The following CIT variants were observed in gnomAD, a reference collection of about 807,000 sequenced individuals.
CIT encodes citron rho-interacting serine/threonine kinase, also known as citron Rho-interacting kinase.
CIT carries 79 observed loss-of-function variants against 272.7 expected under a neutral mutation model. The observed-to-expected ratio is 0.29, with a 90% CI of 0.24 to 0.35. The LOEUF is 0.35. Among genes scored for constraint, CIT ranks in the 10% least tolerant of loss-of-function variants. The pLI is 1.00. For missense variants in CIT, 1,909 were observed against 2,618.3 expected, an observed-to-expected ratio of 0.73 and a Z score of 5.91; for synonymous variants, 948 against 995.6, an observed-to-expected ratio of 0.95 and a Z score of 0.90.
At chr12:119,790,701 CA>C in intron 10 of CIT, among the ~76,000 whole-genome samples, 1 of 151,966 alleles carries the variant, frequency 6.6e-6, no homozygotes, top group Middle Eastern at 3.4e-3. Flanking sequence ...AATGTCTAGA[CA>C]TTTTATTTTC....
chr12:119,734,428 T>A lies in CIT; in HGVS notation c.3157-71A>T. The A allele has an allele frequency of 2.0e-6, 3 of 1,521,432 alleles. No homozygotes were observed. In the East Asian group the frequency reaches 6.8e-5, roughly 34 times the overall value. 94.2% of individuals were successfully genotyped at this position (1,521,432 alleles called of 1,614,324 possible). On this transcript the variant is annotated intron_variant, in intron 25 of 47. Coordinates refer to ENST00000392521, the MANE Select transcript of CIT (RefSeq NM_001206999.2). ...TTTCCTGGAGATTACTTTGGTCGGG[T>A]CAGTTTCAGAAAAGCACAAGTTTCT...
chr12:119,791,218 G>A (rs1965280088), intron 10 of CIT, among the ~76,000 whole-genome samples: 1 of 152,170 alleles, frequency 6.6e-6, no homozygotes, highest in Non-Finnish European at 1.5e-5. Context: ...ACACACTCAA[G>A]AAAAGTGCTA....
chr12:119,819,094 C>G (rs1967458727), intron 9 of CIT, among the ~76,000 whole-genome samples: 1 of 152,182 alleles, frequency 6.6e-6, no homozygotes, highest in South Asian at 2.1e-4. Flanking sequence ...ACTGCACAAC[C>G]AGGGCAGCTG....
At position 119,762,979 on chromosome 12, in the gene CIT, G is replaced by A. The variant is rs143320032; in HGVS notation, c.2305-1924C>T. ...GAGGATTGCTTGAGCCCAGGAGTTC[G>A]AAGCCTCATTGAGCTATGATCACAC... On this transcript the variant is annotated intron_variant, in intron 19 of 47. Transcript: ENST00000392521. 7.2e-5 allele frequency among the ~76,000 whole-genome samples: 11 copies of A among 152,246 alleles called. No individual in the cohort carries two copies. The East Asian group carries it at 1.7e-3, about 24-fold the overall frequency.
intron 4 of CIT, among the ~76,000 whole-genome samples, chr12:119,852,885 A>T (rs1030790308): frequency 1.3e-5 from 2 of 152,058 alleles, no homozygotes; most frequent in Non-Finnish European, 2.9e-5. Flanking sequence ...TTCTATGTAT[A>T]TCAGTGTGTG....
chr12:119,789,830 C>T lies in CIT; in HGVS notation c.1296-4765G>A, dbSNP rs909160714. On this transcript the variant is annotated intron_variant, in intron 10 of 47. Coordinates refer to ENST00000392521, the MANE Select transcript of CIT (RefSeq NM_001206999.2). ...CAAGCGATTCCCCTGACTCAGCTCC[C>T]GAGTAGCTGGGACTACAGGCGCACG... 1.5e-4 allele frequency among the ~76,000 whole-genome samples: 23 copies of T among 152,106 alleles called. No homozygotes were observed. In the East Asian group the frequency reaches 3.1e-3, roughly 20 times the overall value.
At chr12:119,742,998 C>A (rs143480975) in intron 23 of CIT, among the ~76,000 whole-genome samples, 1 of 152,156 alleles carries the variant, frequency 6.6e-6, no homozygotes, top group African/African-American at 2.4e-5. Flanking sequence ...AACTCTACAT[C>A]GGCCTTGAAA....
At chr12:119,791,556 G>A (rs938253683) in intron 10 of CIT, among the ~76,000 whole-genome samples, 11 of 152,148 alleles carry the variant, frequency 7.2e-5, no homozygotes, top group Admixed American at 7.2e-4. Context: ...GCTAATAAAA[G>A]AACATGCAGC....
At position 119,739,088 on chromosome 12, in the gene CIT, T is replaced by C. The variant is rs144785677; in HGVS notation, c.2958+3323A>G. On this transcript the variant is annotated intron_variant, in intron 24 of 47. Coordinates refer to ENST00000392521, the MANE Select transcript of CIT (RefSeq NM_001206999.2). ...AGGGGTGAAGAAACCAGTCAGATAA[T>C]GAGCATCAGGCTAAACAGACACAGG... Among the ~76,000 whole-genome samples the C allele has an allele frequency of 1.1e-3, 170 of 152,300 alleles. 1 individual carries two copies. Among genetic ancestry groups the C allele is most frequent in the African/African-American group, 3.9e-3 (161 of 41,570 alleles).
At chr12:119,723,645 C>A (rs186638114) in intron 28 of CIT, among the ~76,000 whole-genome samples, 44 of 152,236 alleles carry the variant, frequency 2.9e-4, no homozygotes, top group Admixed American at 2.5e-3. Context: ...CATGAAACAA[C>A]CCCCGTGGGC....
At chr12:119,822,766 CTT>C (rs1967826502) in intron 9 of CIT, 52 bp downstream of exon 9, 22 of 1,585,066 alleles carry the variant, frequency 1.4e-5, no homozygotes, top group Admixed American at 1.7e-5. Flanking sequence ...TCAGATCTCT[CTT>C]GAGTGTTTCA....
At chr12:119,813,880 A>G (rs1966902451) in intron 9 of CIT, among the ~76,000 whole-genome samples, 1 of 152,130 alleles carries the variant, frequency 6.6e-6, no homozygotes, top group East Asian at 1.9e-4. Context: ...AGGGCTCAGT[A>G]TTCAGAAAAT....
intron 4 of CIT, among the ~76,000 whole-genome samples, chr12:119,855,980 G>A (rs1593969884): frequency 6.6e-6 from 1 of 152,214 alleles, no homozygotes; most frequent in Admixed American, 6.5e-5. Context: ...CTCAGGAGCT[G>A]GGAGGCTGAG....
chr12:119,807,283 G>A (rs1436553358), intron 9 of CIT, among the ~76,000 whole-genome samples: 1 of 152,180 alleles, frequency 6.6e-6, no homozygotes, highest in East Asian at 1.9e-4. Flanking sequence ...TACATCTAAT[G>A]GGGCACAGAA....
At chr12:119,751,734 G>GTAAACAAACTTT (rs1043133533) in intron 23 of CIT, among the ~76,000 whole-genome samples, 2 of 151,900 alleles carry the variant, frequency 1.3e-5, no homozygotes, top group South Asian at 4.2e-4. Context: ...GAAAGCCAAG[G>GTAAACAAACTTT]TAAACAAACT....
chr12:119,834,241 C>T lies in CIT; in HGVS notation c.517-13G>A. The T allele has an allele frequency of 6.3e-7, 1 of 1,575,810 alleles. No homozygotes were observed. The highest frequency in any genetic ancestry group is 8.6e-7 in the Non-Finnish European group (1 of 1,164,384). Reference sequence around the variant, plus strand: ...GATATTCCATGACCTGTATAGAATGCCAAAGTTATTAATTCTTCACACACC... The same window carrying T: ...GATATTCCATGACCTGTATAGAATGTCAAAGTTATTAATTCTTCACACACC... On this transcript the variant is annotated splice_polypyrimidine_tract_variant and intron_variant, in intron 5 of 47. Coordinates refer to ENST00000392521, the MANE Select transcript of CIT (RefSeq NM_001206999.2).
rs1268132204 is a variant in CIT at position 119,690,909 on chromosome 12, C to G, written c.5883-455G>C. Among the ~76,000 whole-genome samples, 1 of 152,224 alleles carries G rather than the reference C, an allele frequency of 6.6e-6. No individual in the cohort carries two copies. Among genetic ancestry groups the G allele is most frequent in the Non-Finnish European group, 1.5e-5 (1 of 68,042 alleles). ...GTTTGATAGGCCAGGCGCAGTGGCG[C>G]ACACCTGTAATCCCAGCACTTTGGG... On this transcript the variant is annotated intron_variant, in intron 46 of 47. Coordinates refer to ENST00000392521, the MANE Select transcript of CIT (RefSeq NM_001206999.2). This position sits in a 1 kb window ranked among gnomAD's most constrained non-coding sequence, Gnocchi z 6.0.
At chr12:119,863,271 A>T (rs190941055) in intron 3 of CIT, among the ~76,000 whole-genome samples, 16 of 151,994 alleles carry the variant, frequency 1.1e-4, no homozygotes, top group Admixed American at 9.8e-4. Flanking sequence ...ACAGAAAACC[A>T]AATACCACAT....
At chr12:119,785,201 GT>G in intron 10 of CIT, 136 bp from the exon 11 acceptor site, 1 of 912,448 alleles carries the variant, frequency 1.1e-6, no homozygotes, top group South Asian at 1.8e-5. Context: ...CCCCCTTCCC[GT>G]TTCCCAAAGA....
Sources: allele counts gnomAD v4.1 joint callset (sites outside exome capture counted in the v4.1 genomes callset), GRCh38; gene constraint gnomAD v4.1.1; non-coding constraint Gnocchi (gnomAD v3.1); transcripts MANE v1.5; gene names NCBI Gene and HGNC (gene_info 2026-07-23, HGNC 2026-07-21).